RNLS: variants seen among roughly 807,000 people sequenced by gnomAD.
The protein encoded by RNLS is renalase.
In RNLS, 39 loss-of-function variants were observed where a neutral mutation model predicts 39.8. The observed-to-expected ratio is 0.98, with a 90% CI of 0.76 to 1.28. RNLS has a LOEUF of 1.28. Ranked by LOEUF, RNLS falls within the 50% of genes most tolerant of loss-of-function variation. The pLI, the probability that RNLS is intolerant of heterozygous loss-of-function variation, is 0.00. For synonymous variants in RNLS, 147 were observed against 150.7 expected (o/e 0.98, Z 0.18); for missense variants, 410 against 413.3 (o/e 0.99, Z 0.07).
chr10:88,212,725 G>A, the RNLS span, among the ~76,000 whole-genome samples: 1 of 152,128 alleles, frequency 6.6e-6, no homozygotes, highest in Non-Finnish European at 1.5e-5. Context: ...TTAGCACCTG[G>A]TACCCAGATG....
intron 4 of RNLS, among the ~76,000 whole-genome samples, chr10:88,404,599 G>T (rs796296348): frequency 7.9e-5 from 12 of 152,144 alleles, no homozygotes; most frequent in African/African-American, 2.6e-4. Flanking sequence ...GGAAAACATG[G>T]CTTAAGTTTG....
At chr10:88,538,250 G>A (rs1273530128) in intron 4 of RNLS, among the ~76,000 whole-genome samples, 1 of 152,174 alleles carries the variant, frequency 6.6e-6, no homozygotes, top group African/African-American at 2.4e-5. Context: ...CATAAGGGAA[G>A]ATTGACTCTT....
At chr10:88,198,105 C>A in the RNLS span, among the ~76,000 whole-genome samples, 1 of 152,352 alleles carries the variant, frequency 6.6e-6, no homozygotes, top group South Asian at 2.1e-4. Flanking sequence ...TTGAACCCAG[C>A]ATTCCCAGGC....
intron 3 of RNLS, among the ~76,000 whole-genome samples, chr10:88,573,703 G>A (rs1306666193): frequency 6.6e-6 from 1 of 152,094 alleles, no homozygotes. Flanking sequence ...TTAACACAAG[G>A]ATATTTTAAT....
chr10:88,223,489 T>C, the RNLS span, among the ~76,000 whole-genome samples: 1 of 152,224 alleles, frequency 6.6e-6, no homozygotes, highest in Non-Finnish European at 1.5e-5. Context: ...TACTGGATTT[T>C]ATTTGAAACA....
At chr10:88,480,966 C>T (rs1034966933) in intron 4 of RNLS, among the ~76,000 whole-genome samples, 4 of 151,986 alleles carry the variant, frequency 2.6e-5, no homozygotes, top group African/African-American at 7.2e-5. Context: ...TTTCTCTTTT[C>T]GATTTTGTCA....
the RNLS span, among the ~76,000 whole-genome samples, chr10:88,184,522 C>A: frequency 6.6e-6 from 1 of 152,024 alleles, no homozygotes; most frequent in Non-Finnish European, 1.5e-5. Flanking sequence ...TCTTTTTTCT[C>A]CCCCCAGCCA....
intron 5 of RNLS, among the ~76,000 whole-genome samples, chr10:88,326,084 C>A (rs1846582924): frequency 6.6e-6 from 1 of 152,190 alleles, no homozygotes; most frequent in South Asian, 2.1e-4. Flanking sequence ...TTATAAGTTA[C>A]CCAGTCTTGG....
intron 4 of RNLS, among the ~76,000 whole-genome samples, chr10:88,440,118 G>A (rs1018132252): frequency 3.3e-4 from 50 of 152,120 alleles, no homozygotes; most frequent in African/African-American, 1.2e-3. Flanking sequence ...TGTGATAAAT[G>A]TTTGTTGAGT....
At chr10:88,282,583 T>C (rs1843059753), downstream of RNLS, among the ~76,000 whole-genome samples, 1 of 151,636 alleles carries the variant, frequency 6.6e-6, no homozygotes, top group Admixed American at 6.6e-5. Flanking sequence ...TCTCTTCAGT[T>C]AACAAGGTAG....
At chr10:88,576,353 TAAG>T (rs1850210522) in intron 3 of RNLS, among the ~76,000 whole-genome samples, 1 of 152,230 alleles carries the variant, frequency 6.6e-6, no homozygotes. Flanking sequence ...ATCAGAAGTC[TAAG>T]AAGGTTTAAA....
chr10:88,270,139 G>C (rs1196645341), downstream of RNLS, among the ~76,000 whole-genome samples: 2 of 152,166 alleles, frequency 1.3e-5, no homozygotes, highest in East Asian at 3.9e-4. Flanking sequence ...GGCCCTCTTT[G>C]ACAAGAGGAG....
chr10:88,579,556 T>C (rs1458658971), intron 3 of RNLS, among the ~76,000 whole-genome samples: 2 of 152,166 alleles, frequency 1.3e-5, no homozygotes, highest in Non-Finnish European at 2.9e-5. Flanking sequence ...TGGGATATCA[T>C]TTTCTAAGCT....
At chr10:88,278,252 C>T (rs1842883507) in intron 6 of RNLS, among the ~76,000 whole-genome samples, 1 of 152,030 alleles carries the variant, frequency 6.6e-6, no homozygotes, top group African/African-American at 2.4e-5. Context: ...GTCTCTGTAT[C>T]ACTAACATTC....
intron 5 of RNLS, among the ~76,000 whole-genome samples, chr10:88,319,008 A>G (rs1845975717): frequency 6.6e-6 from 1 of 152,226 alleles, no homozygotes; most frequent in Non-Finnish European, 1.5e-5. Flanking sequence ...TCCACCACCA[A>G]ATAAAACACC....
Position 88,285,257 on chromosome 10 carries a change from G to T in RNLS, c.*97C>A. 1 of 1,412,808 alleles carries T rather than the reference G, an allele frequency of 7.1e-7. No homozygotes were observed. The allele number at this position is 1,412,808 out of a possible 1,614,324, so 87.5% of individuals were successfully genotyped here. ...ATAATAAGTGAAGAACAATTTTCCA[G>T]TAATTTTTCTTAGCAAAATAGAAAA... On this transcript the variant is annotated 3_prime_UTR_variant, in exon 7 of 7. Transcript: ENST00000331772.
the RNLS span, among the ~76,000 whole-genome samples, chr10:88,194,220 T>C: frequency 1.3e-5 from 2 of 152,194 alleles, no homozygotes; most frequent in African/African-American, 4.8e-5. Context: ...TGGAGGGGTG[T>C]ACTCTGCATG....
At chr10:88,178,774 C>A in the RNLS span, among the ~76,000 whole-genome samples, 1 of 152,128 alleles carries the variant, frequency 6.6e-6, no homozygotes, top group Non-Finnish European at 1.5e-5. Flanking sequence ...TACTGTTCTG[C>A]CTCACTTTGT....
chr10:88,355,795 G>A (rs921987824), intron 5 of RNLS, among the ~76,000 whole-genome samples: 2 of 152,212 alleles, frequency 1.3e-5, no homozygotes, highest in African/African-American at 4.8e-5. Context: ...GTTTGGCTAT[G>A]CCCTGCCCCC....
Sources: allele counts gnomAD v4.1 joint callset (sites outside exome capture counted in the v4.1 genomes callset), GRCh38; gene constraint gnomAD v4.1.1; transcripts MANE v1.5; gene names NCBI Gene and HGNC (gene_info 2026-07-23, HGNC 2026-07-21).